The following FKBP4 variants were observed in gnomAD, a reference collection of about 807,000 sequenced individuals.
FKBP4 encodes FKBP prolyl isomerase 4.
In FKBP4, 28 loss-of-function variants were observed where a neutral mutation model predicts 54.1. That is an observed-to-expected ratio of 0.52 (90% CI 0.38 to 0.71). The LOEUF (loss-of-function observed/expected upper bound fraction) is 0.71. Ranked by LOEUF, FKBP4 falls within the 30% of genes least tolerant of loss-of-function variation. The pLI is 0.00. For synonymous variants in FKBP4, 223 were observed against 216.1 expected, an observed-to-expected ratio of 1.03 and a Z score of -0.28; for missense variants, 493 against 574.4, an observed-to-expected ratio of 0.86 and a Z score of 1.45.
chr12:2,795,349 C>T lies in FKBP4; in HGVS notation c.105+105C>T. 2.6e-6 allele frequency: 1 copy of T among 391,860 alleles called. No homozygotes were observed. Among genetic ancestry groups the T allele is most frequent in the Non-Finnish European group, 3.7e-6 (1 of 271,202 alleles). The allele number at this position is 391,860 out of a possible 1,614,324, so 24.3% of individuals were successfully genotyped here. Reference sequence around the variant, plus strand: ...GCCGGGCACGGGTCGAGGCGGCCGCCTTTGCAGCCTCGCGGCCGTCCCGCC... The same window carrying T: ...GCCGGGCACGGGTCGAGGCGGCCGCTTTTGCAGCCTCGCGGCCGTCCCGCC... On this transcript the variant is annotated intron_variant, in intron 1 of 9. Coordinates refer to ENST00000001008, the MANE Select transcript of FKBP4 (RefSeq NM_002014.4). This position sits in a 1 kb window ranked among gnomAD's most constrained non-coding sequence, Gnocchi z 4.3.
intron 9 of FKBP4, among the ~76,000 whole-genome samples, chr12:2,802,301 C>CCA (rs2097905283): frequency 6.6e-6 from 1 of 152,044 alleles, no homozygotes. Flanking sequence ...CCACACCCGG[C>CCA]TAATTTTTGT....
intron 9 of FKBP4, 92 bp from the exon 10 acceptor site, chr12:2,803,059 A>G (rs1200734324): frequency 2.2e-6 from 2 of 901,088 alleles, no homozygotes; most frequent in African/African-American, 3.3e-5. Context: ...CAGATGTAGG[A>G]GAATGGGTGT....
chr12:2,804,978 T>C lies in FKBP4; in HGVS notation c.*1720T>C, dbSNP rs2097906733. The stretch of plus-strand genomic sequence containing the variant: ...CTTACCTCACATCACAGCCCTGTGT[T>C]TGTGGTTTGTGTCTGGGTCCTCTTG... On this transcript the variant is annotated 3_prime_UTR_variant, in exon 10 of 10. Transcript: ENST00000001008. The C allele has an allele frequency of 3.3e-6, 1 of 303,000 alleles. No individual in the cohort carries two copies. The highest frequency in any genetic ancestry group is 6.5e-6 in the Non-Finnish European group (1 of 153,890). 18.8% of individuals were successfully genotyped at this position (303,000 alleles called of 1,614,324 possible). A position where few individuals can be genotyped will look rare whatever the true frequency, so the allele number is the denominator to read the frequency against.
intron 9 of FKBP4, chr12:2,801,649 A>G: frequency 1.9e-6 from 1 of 519,316 alleles, no homozygotes; most frequent in Middle Eastern, 3.0e-4. Context: ...AGCACTTTGC[A>G]GAGCCAAAGT....
In FKBP4 at chr12:2,804,369, ACTC is replaced by A. The variant is rs2097906450; in HGVS notation, c.*1114_*1116del. 6.6e-6 allele frequency: 1 copy of A among 151,740 alleles called. No individual in the cohort carries two copies. The highest frequency in any genetic ancestry group is 2.1e-4 in the South Asian group (1 of 4,794). The allele number at this position is 151,740 out of a possible 1,614,324, so 9.4% of individuals were successfully genotyped here. A position where few individuals can be genotyped will look rare whatever the true frequency, so the allele number is the denominator to read the frequency against. On this transcript the variant is annotated 3_prime_UTR_variant, in exon 10 of 10. Coordinates refer to ENST00000001008, the MANE Select transcript of FKBP4 (RefSeq NM_002014.4). Reference sequence around the variant, plus strand: ...CATTTTGGTTTGTTAACAAGGTAAAACTCCTGGTGTCACTGACCTCCTCCTGTC... The same window carrying A: ...CATTTTGGTTTGTTAACAAGGTAAAACTGGTGTCACTGACCTCCTCCTGTC...
At chr12:2,800,714 C>A in intron 8 of FKBP4, 137 bp downstream of exon 8, 2 of 838,782 alleles carry the variant, frequency 2.4e-6, no homozygotes, top group South Asian at 1.9e-5. Context: ...GGTTACAGAC[C>A]AAAGGCACGG....
At chr12:2,796,330 T>C in intron 1 of FKBP4, 1 of 1,289,208 alleles carries the variant, frequency 7.8e-7, no homozygotes, top group Non-Finnish European at 1.0e-6. Flanking sequence ...CCCTTCTCGC[T>C]CCAGCGTCCT....
rs1327293244 is a variant in FKBP4 at position 2,795,444 on chromosome 12, G to A, written c.105+200G>A. Among the ~76,000 whole-genome samples the A allele has an allele frequency of 6.8e-6, 1 of 147,560 alleles. No individual in the cohort carries two copies. Among genetic ancestry groups the A allele is most frequent in the East Asian group, 2.0e-4 (1 of 5,104 alleles). On this transcript the variant is annotated intron_variant, in intron 1 of 9. Transcript: ENST00000001008. This position sits in a 1 kb window ranked among gnomAD's most constrained non-coding sequence, Gnocchi z 4.3. ...AGGCACCGAGGCCGGCCATGCGCTC[G>A]GCAGGGGGGCGGCCTAGGTGCGCGG...
At chr12:2,802,186 G>A (rs2097905202) in intron 9 of FKBP4, among the ~76,000 whole-genome samples, 2 of 152,068 alleles carry the variant, frequency 1.3e-5, no homozygotes, top group Admixed American at 1.3e-4. Flanking sequence ...TGCCCAGGCT[G>A]GAGTGCAATG....
rs2097901067 is a variant in FKBP4 at position 2,795,340 on chromosome 12, GGCGGCCGCCTTTGCAGCCTC to G, written c.105+104_105+123del. On this transcript the variant is annotated intron_variant, in intron 1 of 9. Coordinates refer to ENST00000001008, the MANE Select transcript of FKBP4 (RefSeq NM_002014.4). This position sits in a 1 kb window ranked among gnomAD's most constrained non-coding sequence, Gnocchi z 4.3. Reference sequence around the variant, plus strand: ...GAGCCCGCGGCCGGGCACGGGTCGAGGCGGCCGCCTTTGCAGCCTCGCGGCCGTCCCGCCGGGGGCCGGTG... The same window carrying G: ...GAGCCCGCGGCCGGGCACGGGTCGAGGCGGCCGTCCCGCCGGGGGCCGGTG... The G allele has an allele frequency of 2.0e-6, 1 of 496,008 alleles. No homozygotes were observed. The highest frequency in any genetic ancestry group is 2.1e-5 in the African/African-American group (1 of 47,424). The allele number at this position is 496,008 out of a possible 1,614,324, so 30.7% of individuals were successfully genotyped here. A position where few individuals can be genotyped will look rare whatever the true frequency, so the allele number is the denominator to read the frequency against.
rs1202557606 is a variant in FKBP4, at chr12:2,796,030, A to G, written c.105+786A>G. ...GCCGCCGAGTGACCGCTCGACTACA[A>G]ATAGCCTGGGGAGCTGCGGGGAGGG... On this transcript the variant is annotated intron_variant, in intron 1 of 9. Coordinates refer to ENST00000001008, the MANE Select transcript of FKBP4 (RefSeq NM_002014.4). 13 of 1,167,980 alleles carry G rather than the reference A, an allele frequency of 1.1e-5. No homozygotes were observed. In the Admixed American group the frequency reaches 1.2e-4, roughly 11 times the overall value. The allele number at this position is 1,167,980 out of a possible 1,614,324, so 72.4% of individuals were successfully genotyped here.
rs145261648 is a variant in FKBP4 at position 2,798,700 on chromosome 12, C to T, written c.394-6C>T. The T allele has an allele frequency of 6.6e-5, 106 of 1,613,284 alleles. 1 individual carries two copies. In the East Asian group the frequency reaches 1.4e-3, roughly 21 times the overall value. On this transcript the variant is annotated splice_region_variant and splice_polypyrimidine_tract_variant and intron_variant, in intron 3 of 9. Transcript: ENST00000001008. This position sits in a 1 kb window ranked among gnomAD's most constrained non-coding sequence, Gnocchi z 4.3. ...GGAAGGAATTGTGTCACATCTTGTC[C>T]CACAGGTGGAGTTGTTTGAGTTTAA...
At position 2,797,275 on chromosome 12, in the gene FKBP4, G is replaced by A. The variant is rs765779520; in HGVS notation, c.243G>A (p.Leu81=). ...LDRKDKFSFD[L]GKGEVIKAWD... is the part of the protein sequence containing the mutation. ...GCAAGGACAAATTCTCCTTTGACCT[G>A]GGAAAAGGTAGGCGTGGTCAGTGGG... Residue 81 remains leucine, a synonymous_variant, in exon 2 of 10, where the codon CTG becomes CTA. Coordinates refer to ENST00000001008, the MANE Select transcript of FKBP4 (RefSeq NM_002014.4). 1.2e-6 allele frequency: 2 copies of A among 1,613,856 alleles called. No individual in the cohort carries two copies. The highest frequency in any genetic ancestry group is 2.7e-5 in the African/African-American group (2 of 74,910).
intron 9 of FKBP4, among the ~76,000 whole-genome samples, chr12:2,802,341 T>C (rs1399544839): frequency 6.6e-6 from 1 of 152,124 alleles, no homozygotes; most frequent in Non-Finnish European, 1.5e-5. Flanking sequence ...TTTCATCATG[T>C]TGACCAGGCT....
In FKBP4 at chr12:2,798,885, T is replaced by C; in HGVS notation, c.514+59T>C. ...TTCTGATATTTAGGCCTTGTGTGGC[T>C]TTGGGCAAGACACTTCCGTTCTCCG... On this transcript the variant is annotated intron_variant, in intron 4 of 9. Transcript: ENST00000001008. The surrounding 1 kb of genome is among the most constrained non-coding windows in gnomAD (Gnocchi z 4.3). 2 of 1,583,816 alleles carry C rather than the reference T, an allele frequency of 1.3e-6. No homozygotes were observed. The highest frequency in any genetic ancestry group is 1.7e-6 in the Non-Finnish European group (2 of 1,154,060).
Position 2,795,862 on chromosome 12 carries a change from GCCGC to G in FKBP4, c.105+619_105+622del. 2.6e-6 allele frequency: 2 copies of G among 783,720 alleles called. No individual in the cohort carries two copies. Among genetic ancestry groups the G allele is most frequent in the South Asian group, 5.6e-5 (1 of 18,014 alleles). The allele number at this position is 783,720 out of a possible 1,614,324, so 48.5% of individuals were successfully genotyped here. ...CCGGGACCCAGCGAGGTCCCCACTC[GCCGC>G]GCGGCGCCCCCTCCCTCGGCCCCGG... On this transcript the variant is annotated intron_variant, in intron 1 of 9. Coordinates refer to ENST00000001008, the MANE Select transcript of FKBP4 (RefSeq NM_002014.4). This position sits in a 1 kb window ranked among gnomAD's most constrained non-coding sequence, Gnocchi z 4.3.
rs1371786061 is a variant in FKBP4 at position 2,803,520 on chromosome 12, A to T, written c.*262A>T. Reference sequence around the variant, plus strand: ...ATCCATATATATTCATCAGAATGTTAATTTATTTTGCTCCCTCTGTTAGGT... The same window carrying T: ...ATCCATATATATTCATCAGAATGTTTATTTATTTTGCTCCCTCTGTTAGGT... On this transcript the variant is annotated 3_prime_UTR_variant, in exon 10 of 10. Transcript: ENST00000001008. 2.5e-6 allele frequency: 1 copy of T among 399,194 alleles called. No individual in the cohort carries two copies. The highest frequency in any genetic ancestry group is 4.6e-6 in the Non-Finnish European group (1 of 215,370). The allele number at this position is 399,194 out of a possible 1,614,324, so 24.7% of individuals were successfully genotyped here.
intron 1 of FKBP4, chr12:2,796,717 G>A (rs915115895): frequency 4.7e-6 from 5 of 1,067,320 alleles, no homozygotes; most frequent in Non-Finnish European, 5.7e-6. Flanking sequence ...CTGGCATGAA[G>A]GAAGAAGGAG....
intron 9 of FKBP4, chr12:2,801,813 A>C: frequency 3.0e-6 from 1 of 328,064 alleles, no homozygotes; most frequent in Non-Finnish European, 6.1e-6. Context: ...ACTTAGTTAA[A>C]TTCAAACTGT....
Sources: gnomAD v4.1 joint callset for allele counts (sites outside exome capture counted in the v4.1 genomes callset) on GRCh38, gnomAD v4.1.1 for gene constraint, Gnocchi (gnomAD v3.1) non-coding constraint, MANE v1.5 for transcripts, NCBI Gene and HGNC (gene_info 2026-07-23, HGNC 2026-07-21) for gene names.